The following OSBPL5 variants were observed in gnomAD, a reference collection of about 807,000 sequenced individuals.
The protein encoded by OSBPL5 is oxysterol-binding protein-related protein 5.
OSBPL5 carries 71 observed loss-of-function variants against 111.2 expected under a neutral mutation model. The observed-to-expected ratio is 0.64, with a 90% confidence interval of 0.53 to 0.78. The LOEUF (loss-of-function observed/expected upper bound fraction) is 0.78. Among genes scored for constraint, OSBPL5 ranks in the 30% least tolerant of loss-of-function variants. OSBPL5 has a pLI of 0.00. For synonymous variants in OSBPL5, 549 were observed against 513.9 expected (o/e 1.07, Z -0.93); for missense variants, 1,210 against 1,189.3 (o/e 1.02, Z -0.26).
At chr11:3,136,812 G>T (rs1845960473) in intron 1 of OSBPL5, among the ~76,000 whole-genome samples, 1 of 152,254 alleles carries the variant, frequency 6.6e-6, no homozygotes, top group South Asian at 2.1e-4. Context: ...GGAGGCTCTG[G>T]CCACTGGGGT....
intron 1 of OSBPL5, among the ~76,000 whole-genome samples, chr11:3,160,135 T>C (rs1173933818): frequency 1.3e-5 from 2 of 151,856 alleles, no homozygotes; most frequent in Non-Finnish European, 2.9e-5. Flanking sequence ...TTTGGGTGAC[T>C]TCCTAAGGCA....
chr11:3,088,770 G>A (rs1192057511), intron 21 of OSBPL5, among the ~76,000 whole-genome samples: 1 of 152,164 alleles, frequency 6.6e-6, no homozygotes, highest in Admixed American at 6.5e-5. Context: ...CTGGTCCCAT[G>A]GGACTGGTGT....
At chr11:3,131,825 CTACCCA>C (rs1564850281) in intron 1 of OSBPL5, among the ~76,000 whole-genome samples, 7 of 149,720 alleles carry the variant, frequency 4.7e-5, no homozygotes, top group African/African-American at 1.5e-4. Context: ...ATCCATCCAT[CTACCCA>C]CTCATCTATC....
At chr11:3,108,500 C>T (rs1857791697) in intron 7 of OSBPL5, among the ~76,000 whole-genome samples, 1 of 152,172 alleles carries the variant, frequency 6.6e-6, no homozygotes, top group South Asian at 2.1e-4. Flanking sequence ...GGGGCTTGCA[C>T]ACCAGGGAGG....
At chr11:3,151,556 C>T (rs974960446) in intron 1 of OSBPL5, among the ~76,000 whole-genome samples, 3 of 152,222 alleles carry the variant, frequency 2.0e-5, no homozygotes, top group Non-Finnish European at 4.4e-5. Context: ...CCAAACCGAC[C>T]CCTGCCCTTT....
Position 3,146,170 on chromosome 11 carries a change from GC to G in OSBPL5, c.-21-17002del, listed in dbSNP as rs1382568837. 1 of 152,194 alleles carries G rather than the reference GC, an allele frequency of 6.6e-6. No homozygotes were observed. The highest frequency in any genetic ancestry group is 1.5e-5 in the Non-Finnish European group (1 of 68,064). 9.4% of individuals were successfully genotyped at this position (152,194 alleles called of 1,614,324 possible). A position where few individuals can be genotyped will look rare whatever the true frequency, so the allele number is the denominator to read the frequency against. On this transcript the variant is annotated intron_variant, in intron 1 of 21. Coordinates refer to ENST00000263650, the MANE Select transcript of OSBPL5 (RefSeq NM_020896.4). The surrounding 1 kb of genome is among the most constrained non-coding windows in gnomAD (Gnocchi z 7.8). ...AAGAAAAATAAGCCAGGGTCCCGCG[GC>G]CCCGTCGGAGCTCTCAGACCAGGGC... is the stretch of plus-strand genomic sequence containing the variant.
rs1846058730 is a variant in OSBPL5 at position 3,140,059 on chromosome 11, G to A, written c.-21-10890C>T. On this transcript the variant is annotated intron_variant, in intron 1 of 21. Transcript: ENST00000263650. This position sits in a 1 kb window ranked among gnomAD's most constrained non-coding sequence, Gnocchi z 4.5. The stretch of plus-strand genomic sequence containing the variant: ...GGCCCACTGCTCGGCTGTGCAGCCT[G>A]GGAGGGGGGTGTGCAGTGGTCCGCC... Among the ~76,000 whole-genome samples, 1 of 152,238 alleles carries A rather than the reference G, an allele frequency of 6.6e-6. No individual in the cohort carries two copies. Among genetic ancestry groups the A allele is most frequent in the Non-Finnish European group, 1.5e-5 (1 of 68,024 alleles).
intron 1 of OSBPL5, among the ~76,000 whole-genome samples, chr11:3,151,222 G>A (rs916783717): frequency 1.3e-5 from 2 of 152,162 alleles, no homozygotes; most frequent in Admixed American, 6.5e-5. Flanking sequence ...CGGAGGGAGC[G>A]CAGCCCTGCC....
chr11:3,133,936 G>A (rs1845880828), intron 1 of OSBPL5, among the ~76,000 whole-genome samples: 1 of 151,906 alleles, frequency 6.6e-6, no homozygotes, highest in Admixed American at 6.5e-5. Context: ...GGCCAGGCCA[G>A]GAGGCCAGGG....
In OSBPL5 at chr11:3,087,117, A is replaced by C. The variant is rs1465467664; in HGVS notation, c.*1088T>G. ...TCTCGTTTCCAGAAGTCCCGCAAGA[A>C]GAGAACACGTATGTGTCTGTTTATT... is the stretch of plus-strand genomic sequence containing the variant. On this transcript the variant is annotated 3_prime_UTR_variant, in exon 22 of 22. Coordinates refer to ENST00000263650, the MANE Select transcript of OSBPL5 (RefSeq NM_020896.4). 1.3e-5 allele frequency: 2 copies of C among 152,428 alleles called. No homozygotes were observed. Among genetic ancestry groups the C allele is most frequent in the African/African-American group, 4.8e-5 (2 of 41,462 alleles). 9.4% of individuals were successfully genotyped at this position (152,428 alleles called of 1,614,324 possible).
intron 1 of OSBPL5, among the ~76,000 whole-genome samples, chr11:3,132,644 C>T (rs1845844310): frequency 6.6e-6 from 1 of 152,120 alleles, no homozygotes; most frequent in Non-Finnish European, 1.5e-5. Flanking sequence ...AATGTGCCCG[C>T]CCACCATCTC....
Position 3,107,836 on chromosome 11 carries a change from T to A in OSBPL5, c.801A>T (p.Ala267=). Residue 267 remains alanine (A), a synonymous_variant, in exon 8 of 22, where the codon GCA becomes GCT. Coordinates refer to ENST00000263650, the MANE Select transcript of OSBPL5 (RefSeq NM_020896.4). The surrounding 1 kb of genome is among the most constrained non-coding windows in gnomAD (Gnocchi z 6.1). Reference sequence around the variant, plus strand: ...GCAGCCCACAGAGCGATGAGGGTGATGCGTCTGGCGAGGTCCCTGGCTCCC... The same window carrying A: ...GCAGCCCACAGAGCGATGAGGGTGAAGCGTCTGGCGAGGTCCCTGGCTCCC... ...RDGEPGTSPD[A]SPSSLCGLPA... 6.2e-7 allele frequency: 1 copy of A among 1,612,126 alleles called. No individual in the cohort carries two copies. The highest frequency in any genetic ancestry group is 1.1e-5 in the South Asian group (1 of 91,080).
At position 3,105,704 on chromosome 11, in the gene OSBPL5, A is replaced by T. The variant is rs1248185166; in HGVS notation, c.1060-1327T>A. 6.6e-6 allele frequency among the ~76,000 whole-genome samples: 1 copy of T among 151,130 alleles called. No individual in the cohort carries two copies. The highest frequency in any genetic ancestry group is 1.5e-5 in the Non-Finnish European group (1 of 67,802). On this transcript the variant is annotated intron_variant, in intron 9 of 21. Coordinates refer to ENST00000263650, the MANE Select transcript of OSBPL5 (RefSeq NM_020896.4). This position sits in a 1 kb window ranked among gnomAD's most constrained non-coding sequence, Gnocchi z 5.2. The stretch of plus-strand genomic sequence containing the variant: ...CTGGATCCTCCCACCTCCCTGCCCC[A>T]CCTCTGTGAAGCCTTATCTGTGCTC...
At chr11:3,119,051 C>G (rs1054615163) in intron 7 of OSBPL5, among the ~76,000 whole-genome samples, 2 of 151,744 alleles carry the variant, frequency 1.3e-5, no homozygotes, top group African/African-American at 4.8e-5. Context: ...CTCTTGTCAC[C>G]CAGGCTGGAG....
At position 3,139,062 on chromosome 11, in the gene OSBPL5, G is replaced by C. The variant is rs533379030; in HGVS notation, c.-21-9893C>G. Among the ~76,000 whole-genome samples, 45 of 152,322 alleles carry C rather than the reference G, an allele frequency of 3.0e-4. 1 individual carries two copies. Among genetic ancestry groups the C allele is most frequent in the African/African-American group, 9.6e-4 (40 of 41,588 alleles). On this transcript the variant is annotated intron_variant, in intron 1 of 21. Transcript: ENST00000263650. The stretch of plus-strand genomic sequence containing the variant: ...TGATGGGTCTTCGCTGACACCGAGT[G>C]GGGATCCTGGGGTGCGAGCAGGCCC...
chr11:3,143,470 C>T (rs775777236), intron 1 of OSBPL5, among the ~76,000 whole-genome samples: 2 of 152,290 alleles, frequency 1.3e-5, no homozygotes, highest in South Asian at 4.1e-4. Flanking sequence ...CATGGGTGAA[C>T]GGATAAACAT....
Position 3,121,498 on chromosome 11 carries a change from T to C in OSBPL5, c.402+499A>G, listed in dbSNP as rs1425360802. Among the ~76,000 whole-genome samples, 1 of 152,178 alleles carries C rather than the reference T, an allele frequency of 6.6e-6. No homozygotes were observed. Among genetic ancestry groups the C allele is most frequent in the Non-Finnish European group, 1.5e-5 (1 of 68,042 alleles). On this transcript the variant is annotated intron_variant, in intron 5 of 21. Coordinates refer to ENST00000263650, the MANE Select transcript of OSBPL5 (RefSeq NM_020896.4). The surrounding 1 kb of genome is among the most constrained non-coding windows in gnomAD (Gnocchi z 4.3). ...GCCTGGGCTCTGCAGACACCAGGGCTGGGCACACTTATCTGGTATGCGTTG... is the reference window on the plus strand; with the variant it reads ...GCCTGGGCTCTGCAGACACCAGGGCCGGGCACACTTATCTGGTATGCGTTG...
In OSBPL5 at chr11:3,093,667, C is replaced by T. The variant is rs1857145588; in HGVS notation, c.1810-4G>A. On this transcript the variant is annotated splice_region_variant and splice_polypyrimidine_tract_variant and intron_variant, in intron 16 of 21. Transcript: ENST00000263650. ...CCTTGATAAACACGTCCCTGTCCTG[C>T]CCCAGATGGCCAGCGGGGTCAGAGG... The T allele has an allele frequency of 1.9e-6, 3 of 1,613,202 alleles. No homozygotes were observed. The highest frequency in any genetic ancestry group is 2.2e-5 in the East Asian group (1 of 44,866).
rs1482343083 is a variant in OSBPL5 at position 3,104,099 on chromosome 11, AG to A, written c.1244+93del. The A allele has an allele frequency of 5.1e-6, 7 of 1,377,608 alleles. No individual in the cohort carries two copies. Among genetic ancestry groups the A allele is most frequent in the Non-Finnish European group, 6.9e-6 (7 of 1,016,496 alleles). 85.3% of individuals were successfully genotyped at this position (1,377,608 alleles called of 1,614,324 possible). On this transcript the variant is annotated intron_variant, in intron 10 of 21. Transcript: ENST00000263650. This position sits in a 1 kb window ranked among gnomAD's most constrained non-coding sequence, Gnocchi z 5.0. ...GAGATCAGCCATGGGATTCTCTGGAAGCCCCCACAGGGCAGGTAGGGGCTGG... is the reference window on the plus strand; with the variant it reads ...GAGATCAGCCATGGGATTCTCTGGAACCCCCACAGGGCAGGTAGGGGCTGG...
Sources: allele counts gnomAD v4.1 joint callset (sites outside exome capture counted in the v4.1 genomes callset), GRCh38; gene constraint gnomAD v4.1.1; non-coding constraint Gnocchi (gnomAD v3.1); transcripts MANE v1.5; gene names NCBI Gene and HGNC (gene_info 2026-07-23, HGNC 2026-07-21).